Variants in GALNT7 observed in about 807,000 individuals in gnomAD.
The protein encoded by GALNT7 is N-acetylgalactosaminyltransferase 7.
In GALNT7, 60 loss-of-function variants were observed where a neutral mutation model predicts 82.1. That is an observed-to-expected ratio of 0.73 (90% CI 0.59 to 0.91). The LOEUF (loss-of-function observed/expected upper bound fraction) is 0.91, where lower values mean the gene tolerates loss of function less well. GALNT7 is among the 40% of genes least tolerant of loss of function. The pLI, the probability that GALNT7 is intolerant of heterozygous loss-of-function variation, is 0.00. For synonymous variants in GALNT7, 243 were observed against 275.1 expected, an observed-to-expected ratio of 0.88 and a Z score of 1.15; for missense variants, 660 against 804.2, an observed-to-expected ratio of 0.82 and a Z score of 2.17.
intron 2 of GALNT7, among the ~76,000 whole-genome samples, chr4:173,286,315 C>A (rs1736320862): frequency 6.6e-6 from 1 of 152,202 alleles, no homozygotes; most frequent in Non-Finnish European, 1.5e-5. Context: ...ACCACAGATC[C>A]CTCCAGTAGC....
chr4:173,184,405 C>T (rs60815517), intron 1 of GALNT7, among the ~76,000 whole-genome samples: 67,528 of 151,568 alleles, frequency 0.45, 15,758 homozygotes, highest in East Asian at 0.66. Context: ...GAGACCAGCC[C>T]GACCAACACG....
chr4:173,281,603 A>G (rs145813579), intron 2 of GALNT7, among the ~76,000 whole-genome samples: 29 of 152,300 alleles, frequency 1.9e-4, no homozygotes, highest in Non-Finnish European at 3.2e-4. Flanking sequence ...CAGATGTGGA[A>G]AGGGAAGTTG....
intron 8 of GALNT7, among the ~76,000 whole-genome samples, chr4:173,313,125 G>T (rs1447000410): frequency 2.0e-5 from 3 of 152,030 alleles, no homozygotes; most frequent in Non-Finnish European, 4.4e-5. Context: ...TCCATTTGGG[G>T]TTATAGTAAA....
At chr4:173,234,294 T>C (rs921716234) in intron 1 of GALNT7, among the ~76,000 whole-genome samples, 9 of 152,242 alleles carry the variant, frequency 5.9e-5, no homozygotes, top group African/African-American at 1.9e-4. Context: ...ACTCGTCTTA[T>C]TGGCTCTTGA....
chr4:173,194,793 C>A (rs149727994), intron 1 of GALNT7, among the ~76,000 whole-genome samples: 2,186 of 152,150 alleles, frequency 0.014, 55 homozygotes, highest in African/African-American at 0.049. Context: ...TCCCCGCTTC[C>A]CCCACCCCAC....
intron 1 of GALNT7, among the ~76,000 whole-genome samples, chr4:173,225,019 A>G (rs949740542): frequency 9.5e-3 from 10 of 1,050 alleles, no homozygotes; most frequent in African/African-American, 0.012. Context: ...TGTCTCAAAA[A>G]ATAATAATAA....
intron 1 of GALNT7, among the ~76,000 whole-genome samples, chr4:173,244,899 G>T (rs1238408693): frequency 1.3e-5 from 2 of 152,164 alleles, no homozygotes; most frequent in African/African-American, 4.8e-5. Flanking sequence ...GGTGGTTTCA[G>T]TCCCTGAAGT....
chr4:173,259,426 C>T (rs558137395), intron 2 of GALNT7, among the ~76,000 whole-genome samples: 4 of 150,326 alleles, frequency 2.7e-5, no homozygotes, highest in African/African-American at 7.3e-5. Flanking sequence ...TCCCTCCTCC[C>T]GCTTTTTTTT....
intron 2 of GALNT7, among the ~76,000 whole-genome samples, chr4:173,264,568 C>A (rs1394455491): frequency 2.0e-5 from 3 of 152,116 alleles, no homozygotes; most frequent in Non-Finnish European, 4.4e-5. Context: ...ACAAGAAGCC[C>A]CAGAATCCTT....
chr4:173,169,893 C>G (rs1464330369), intron 1 of GALNT7, among the ~76,000 whole-genome samples: 1 of 152,048 alleles, frequency 6.6e-6, no homozygotes, highest in Non-Finnish European at 1.5e-5. Context: ...TAGCTCAGGC[C>G]GACGCCGAGG....
intron 1 of GALNT7, among the ~76,000 whole-genome samples, chr4:173,202,193 A>G (rs1732963843): frequency 6.6e-6 from 1 of 152,216 alleles, no homozygotes; most frequent in South Asian, 2.1e-4. Context: ...ATCAAACAGT[A>G]TTTAAAGTAC....
intron 4 of GALNT7, 48 bp downstream of exon 4, chr4:173,295,574 C>A: frequency 6.5e-7 from 1 of 1,545,112 alleles, no homozygotes; most frequent in Non-Finnish European, 8.9e-7. Context: ...GGTTTGGTAA[C>A]TAAATCATAC....
intron 1 of GALNT7, among the ~76,000 whole-genome samples, chr4:173,216,717 A>ATTT: frequency 6.1e-5 from 1 of 16,282 alleles, no homozygotes; most frequent in Non-Finnish European, 1.6e-4. Context: ...ATATATATAT[A>ATTT]TATATATATA....
intron 8 of GALNT7, among the ~76,000 whole-genome samples, chr4:173,307,775 A>G (rs910599285): frequency 6.6e-6 from 1 of 152,218 alleles, no homozygotes; most frequent in African/African-American, 2.4e-5. Flanking sequence ...TGGGGCTGCA[A>G]TGTGGACACT....
chr4:173,266,629 T>C (rs948880625), intron 2 of GALNT7, among the ~76,000 whole-genome samples: 3 of 152,194 alleles, frequency 2.0e-5, no homozygotes, highest in African/African-American at 4.8e-5. Flanking sequence ...TCCAATTATA[T>C]GTAGAAGGGC....
At chr4:173,210,188 A>G (rs1453900757) in intron 1 of GALNT7, among the ~76,000 whole-genome samples, 1 of 152,178 alleles carries the variant, frequency 6.6e-6, no homozygotes. Context: ...ACCTAGAAAC[A>G]TTGCAGCATC....
intron 1 of GALNT7, among the ~76,000 whole-genome samples, chr4:173,190,215 T>G (rs956905925): frequency 1.3e-5 from 2 of 152,166 alleles, no homozygotes; most frequent in African/African-American, 4.8e-5. Flanking sequence ...TTCATCTACG[T>G]GGTCTGAGAT....
At chr4:173,208,470 G>A (rs753662941) in intron 1 of GALNT7, among the ~76,000 whole-genome samples, 1 of 151,962 alleles carries the variant, frequency 6.6e-6, no homozygotes, top group African/African-American at 2.4e-5. Flanking sequence ...ATCATTCAGC[G>A]GCATCTCTTG....
chr4:173,227,364 C>T (rs1030563106), intron 1 of GALNT7, among the ~76,000 whole-genome samples: 1 of 152,132 alleles, frequency 6.6e-6, no homozygotes. Flanking sequence ...CAGTGTCTCG[C>T]TCTGTCGCCC....
Sources: allele counts gnomAD v4.1 joint callset (sites outside exome capture counted in the v4.1 genomes callset), GRCh38; gene constraint gnomAD v4.1.1; transcripts MANE v1.5; gene names NCBI Gene and HGNC (gene_info 2026-07-23, HGNC 2026-07-21).